Variants in ROR1 observed in about 807,000 individuals in gnomAD.
The protein encoded by ROR1 is inactive tyrosine-protein kinase transmembrane receptor ROR1.
ROR1 carries 19 observed loss-of-function variants against 78.8 expected under a neutral mutation model. That is an observed-to-expected ratio of 0.24 (90% CI 0.17 to 0.35). ROR1 has a LOEUF of 0.35. Ranked by LOEUF, ROR1 falls within the 10% of genes least tolerant of loss-of-function variation. ROR1 has a pLI of 1.00. For synonymous variants in ROR1, 386 were observed against 433.6 expected (o/e 0.89, Z 1.36); for missense variants, 917 against 1,177.8 (o/e 0.78, Z 3.24).
rs1000206450 is a variant in ROR1 at position 64,064,256 on chromosome 1, G to C, written c.482+13540G>C. Among the ~76,000 whole-genome samples the C allele has an allele frequency of 2.1e-4, 32 of 152,198 alleles. 1 individual carries two copies. The highest frequency in any genetic ancestry group is 7.5e-4 in the African/African-American group (31 of 41,460). On this transcript the variant is annotated intron_variant, in intron 4 of 8. Coordinates refer to ENST00000371079, the MANE Select transcript of ROR1 (RefSeq NM_005012.4). ...AATATTACCAGAGCCTAGGTTTGGGGTCATCTTTGGAGGCTGGAATGGTGG... is the reference window on the plus strand; with the variant it reads ...AATATTACCAGAGCCTAGGTTTGGGCTCATCTTTGGAGGCTGGAATGGTGG...
intron 8 of ROR1, among the ~76,000 whole-genome samples, chr1:64,165,701 C>CTT (rs576997668): frequency 0.029 from 3,024 of 102,854 alleles, 174 homozygotes; most frequent in African/African-American, 0.05. Context: ...TCGGGTTTTA[C>CTT]TTTTTTTTTT....
At chr1:64,101,109 G>A (rs1449736226) in intron 4 of ROR1, among the ~76,000 whole-genome samples, 2 of 152,206 alleles carry the variant, frequency 1.3e-5, no homozygotes, top group South Asian at 2.1e-4. Context: ...TTTATGGGTA[G>A]AAATTTTTAC....
chr1:64,027,297 G>T (rs2100564194), intron 2 of ROR1, among the ~76,000 whole-genome samples: 1 of 152,316 alleles, frequency 6.6e-6, no homozygotes, highest in African/African-American at 2.4e-5. Flanking sequence ...CCTCATAAAA[G>T]GTGGGCTCCT....
In ROR1 at chr1:63,787,524, CTT is replaced by C. The variant is rs111470579; in HGVS notation, c.91+13029_91+13030del. On this transcript the variant is annotated intron_variant, in intron 1 of 8. Transcript: ENST00000371079. Reference sequence around the variant, plus strand: ...TGACTTCCTTTCTTTCCTTCCTTCTCTTTTTTTTTTTTTTCTTTTTTGATGGA... The same window carrying C: ...TGACTTCCTTTCTTTCCTTCCTTCTCTTTTTTTTTTTTCTTTTTTGATGGA... 4.4e-3 allele frequency among the ~76,000 whole-genome samples: 506 copies of C among 114,954 alleles called. 5 individuals are homozygous for C. The highest frequency in any genetic ancestry group is 0.016 in the African/African-American group (473 of 29,460). 75.4% of individuals were successfully genotyped at this position (114,954 alleles called of 152,430 possible).
At chr1:63,969,882 G>T (rs1646105532) in intron 1 of ROR1, among the ~76,000 whole-genome samples, 1 of 152,040 alleles carries the variant, frequency 6.6e-6, no homozygotes. Context: ...CTGCCTGGCT[G>T]CCCACTGCCC....
chr1:63,884,806 GA>G (rs1265848761), intron 1 of ROR1, among the ~76,000 whole-genome samples: 1 of 151,572 alleles, frequency 6.6e-6, no homozygotes. Flanking sequence ...CCTTCTCCGG[GA>G]AAAGTGCCTG....
chr1:64,126,631 T>G (rs1314976364), intron 4 of ROR1, among the ~76,000 whole-genome samples: 1 of 152,182 alleles, frequency 6.6e-6, no homozygotes, highest in Non-Finnish European at 1.5e-5. Flanking sequence ...TATCCAAGGT[T>G]GTATGGAAAT....
intron 1 of ROR1, among the ~76,000 whole-genome samples, chr1:63,873,490 T>C (rs1645265173): frequency 6.6e-6 from 1 of 152,160 alleles, no homozygotes. Flanking sequence ...AGTCTTATCC[T>C]GACATGGTAG....
chr1:64,054,728 G>A (rs1646860513), intron 4 of ROR1, among the ~76,000 whole-genome samples: 1 of 152,118 alleles, frequency 6.6e-6, no homozygotes, highest in South Asian at 2.1e-4. Context: ...CTTGTTTAAT[G>A]TGTTAATTTT....
At chr1:63,785,614 C>T (rs1242911383) in intron 1 of ROR1, among the ~76,000 whole-genome samples, 1 of 151,886 alleles carries the variant, frequency 6.6e-6, no homozygotes, top group African/African-American at 2.4e-5. Context: ...CTTCTGCCTC[C>T]TGGGTTTTTT....
intron 2 of ROR1, among the ~76,000 whole-genome samples, chr1:64,044,755 C>A (rs980983116): frequency 6.6e-6 from 1 of 152,058 alleles, no homozygotes; most frequent in African/African-American, 2.4e-5. Context: ...GGAAAATGAA[C>A]CTGCCGCTTG....
At chr1:63,966,496 A>G (rs1164272507) in intron 1 of ROR1, among the ~76,000 whole-genome samples, 2 of 152,196 alleles carry the variant, frequency 1.3e-5, no homozygotes, top group Non-Finnish European at 2.9e-5. Flanking sequence ...AGTATGATCT[A>G]TCTGGAAACT....
rs1645023315 is a variant in ROR1 at position 63,837,261 on chromosome 1, A to T, written c.91+62753A>T. On this transcript the variant is annotated intron_variant, in intron 1 of 8. Coordinates refer to ENST00000371079, the MANE Select transcript of ROR1 (RefSeq NM_005012.4). Reference sequence around the variant, plus strand: ...TTCCCAAAGCTCTTCCAATAATTGTATTCTTTTAAAAAATATGCATACTAT... The same window carrying T: ...TTCCCAAAGCTCTTCCAATAATTGTTTTCTTTTAAAAAATATGCATACTAT... Among the ~76,000 whole-genome samples the T allele has an allele frequency of 1.3e-5, 2 of 152,292 alleles. 1 individual carries two copies. Among genetic ancestry groups the T allele is most frequent in the South Asian group, 4.1e-4 (2 of 4,828 alleles).
At chr1:64,031,616 T>C (rs1198288429) in intron 2 of ROR1, among the ~76,000 whole-genome samples, 1 of 152,260 alleles carries the variant, frequency 6.6e-6, no homozygotes, top group Admixed American at 6.5e-5. Flanking sequence ...GGATAGTTGC[T>C]CATTCCAAAA....
intron 7 of ROR1, among the ~76,000 whole-genome samples, chr1:64,145,000 A>C (rs1649436807): frequency 6.6e-6 from 1 of 152,194 alleles, no homozygotes; most frequent in African/African-American, 2.4e-5. Context: ...ATTTATTGTG[A>C]GAATAAATTA....
chr1:63,944,315 C>A (rs1283926518), intron 1 of ROR1, among the ~76,000 whole-genome samples: 1 of 152,030 alleles, frequency 6.6e-6, no homozygotes, highest in Non-Finnish European at 1.5e-5. Flanking sequence ...AAAGATGACA[C>A]TTCACAAAAA....
At chr1:63,940,498 CAGATAGATAGATAGATAGAT>C (rs71584420) in intron 1 of ROR1, among the ~76,000 whole-genome samples, 25 of 75,138 alleles carry the variant, frequency 3.3e-4, no homozygotes, top group African/African-American at 7.8e-4. Context: ...GATAGACAGA[CAGATAGATAGATAGATAGAT>C]AGATAGATAG....
intron 1 of ROR1, among the ~76,000 whole-genome samples, chr1:63,899,957 C>G (rs1036611084): frequency 2.6e-5 from 4 of 151,976 alleles, no homozygotes; most frequent in Non-Finnish European, 5.9e-5. Context: ...TTTTACTCCC[C>G]TTTCCTCCTT....
rs775483290 is a variant in ROR1, at chr1:64,178,573, G to T, written c.2532G>T (p.Val844=). The change falls in exon 9 of 9, where the codon GTG becomes GTT. Residue 844 remains valine (V), a synonymous_variant. Coordinates refer to ENST00000371079, the MANE Select transcript of ROR1 (RefSeq NM_005012.4). This position sits in a 1 kb window ranked among gnomAD's most constrained non-coding sequence, Gnocchi z 4.3. ...AHYQPTGPPR[V]IQHCPPPKSR... ...ACCAGCCAACAGGTCCTCCCAGAGT[G>T]ATTCAGCACTGCCCACCTCCCAAGA... 3.1e-6 allele frequency: 5 copies of T among 1,614,150 alleles called. No homozygotes were observed. The highest frequency in any genetic ancestry group is 4.2e-6 in the Non-Finnish European group (5 of 1,180,028).
Sources: allele counts gnomAD v4.1 joint callset (sites outside exome capture counted in the v4.1 genomes callset), GRCh38; gene constraint gnomAD v4.1.1; non-coding constraint Gnocchi (gnomAD v3.1); transcripts MANE v1.5; gene names NCBI Gene and HGNC (gene_info 2026-07-23, HGNC 2026-07-21).